Variants in TBL1XR1 observed in about 807,000 individuals in gnomAD.
The protein encoded by TBL1XR1 is TBL1X/Y related 1.
A neutral mutation model predicts 66.9 loss-of-function variants in TBL1XR1; 5 were observed. That is an observed-to-expected ratio of 0.07 (90% confidence interval 0.04 to 0.16). The LOEUF is 0.16. Among genes scored for constraint, TBL1XR1 ranks in the 10% least tolerant of loss-of-function variants. TBL1XR1 has a pLI of 1.00. For missense variants in TBL1XR1, 238 were observed against 623.2 expected (o/e 0.38, Z 6.58); for synonymous variants, 210 against 206.0 (o/e 1.02, Z -0.17).
intron 1 of TBL1XR1, among the ~76,000 whole-genome samples, chr3:177,141,039 T>C (rs1395401148): frequency 6.6e-6 from 1 of 152,166 alleles, no homozygotes; most frequent in Non-Finnish European, 1.5e-5. Context: ...AATAATAATA[T>C]ATTTAACTGG....
chr3:177,073,054 A>G (rs544104459), intron 2 of TBL1XR1, among the ~76,000 whole-genome samples: 1 of 152,322 alleles, frequency 6.6e-6, no homozygotes, highest in East Asian at 1.9e-4. Context: ...ACAAAGAGAG[A>G]GTTTGATTTC....
At chr3:177,143,252 C>T (rs933552697) in intron 1 of TBL1XR1, among the ~76,000 whole-genome samples, 2 of 151,638 alleles carry the variant, frequency 1.3e-5, no homozygotes, top group African/African-American at 4.9e-5. Flanking sequence ...ATGTTATGAC[C>T]GAGGCCTACA....
chr3:177,056,733 A>G (rs1320667403), intron 3 of TBL1XR1, among the ~76,000 whole-genome samples: 1 of 147,286 alleles, frequency 6.8e-6, no homozygotes, highest in African/African-American at 2.5e-5. Flanking sequence ...CCTGAAAGTC[A>G]TAGTCATCCT....
intron 1 of TBL1XR1, among the ~76,000 whole-genome samples, chr3:177,137,741 A>G (rs548258641): frequency 6.6e-6 from 1 of 152,190 alleles, no homozygotes; most frequent in East Asian, 1.9e-4. Flanking sequence ...AGGCTGAGAC[A>G]GGTGGACTAC....
At chr3:177,063,128 A>C (rs1042309085) in intron 3 of TBL1XR1, among the ~76,000 whole-genome samples, 2 of 152,138 alleles carry the variant, frequency 1.3e-5, no homozygotes, top group Non-Finnish European at 1.5e-5. Flanking sequence ...AAAAACAAAC[A>C]AACAAAAAAA....
intron 1 of TBL1XR1, among the ~76,000 whole-genome samples, chr3:177,120,996 T>C (rs997315812): frequency 3.3e-5 from 5 of 152,242 alleles, no homozygotes; most frequent in Non-Finnish European, 7.3e-5. Flanking sequence ...TTTAAAGCTG[T>C]GTCACTAATC....
Position 177,160,508 on chromosome 3 carries a change from G to GAAAGAAGAATC in TBL1XR1, c.-122+36602_-122+36612dup, listed in dbSNP as rs1433632162. Among the ~76,000 whole-genome samples the GAAAGAAGAATC allele has an allele frequency of 1.0e-3, 154 of 151,206 alleles. 2 individuals are homozygous for GAAAGAAGAATC. Among genetic ancestry groups the GAAAGAAGAATC allele is most frequent in the East Asian group, 5.9e-4 (3 of 5,092 alleles). ...AAAAAAAGTATCCAATTGGCAGCGAGAAAGAAGAATCAAATAATGTCCAGA... is the reference window on the plus strand; with the variant it reads ...AAAAAAAGTATCCAATTGGCAGCGAGAAAGAAGAATCAAAGAAGAATCAAATAATGTCCAGA... On this transcript the variant is annotated intron_variant, in intron 1 of 15. Transcript: ENST00000457928.
At chr3:177,075,056 C>CA (rs1720521382) in intron 2 of TBL1XR1, among the ~76,000 whole-genome samples, 1 of 152,226 alleles carries the variant, frequency 6.6e-6, no homozygotes, top group South Asian at 2.1e-4. Context: ...ATAGCTACAA[C>CA]AAACTGGGCC....
At chr3:177,049,590 T>G (rs1369216244) in intron 7 of TBL1XR1, among the ~76,000 whole-genome samples, 1 of 152,180 alleles carries the variant, frequency 6.6e-6, no homozygotes, top group African/African-American at 2.4e-5. Context: ...ACATGTTTTT[T>G]GCTACACAGA....
At chr3:177,122,303 A>C (rs1372917231) in intron 1 of TBL1XR1, among the ~76,000 whole-genome samples, 12 of 141,950 alleles carry the variant, frequency 8.5e-5, no homozygotes, top group African/African-American at 2.1e-4. Context: ...AAAAAAAAAA[A>C]CACTGTAAGC....
At chr3:177,035,953 T>C (rs373095412) in intron 12 of TBL1XR1, among the ~76,000 whole-genome samples, 4 of 152,256 alleles carry the variant, frequency 2.6e-5, no homozygotes, top group African/African-American at 7.2e-5. Context: ...GTAACTGACA[T>C]TGTGGACTTC....
chr3:177,131,863 A>G (rs1053559939), intron 1 of TBL1XR1, among the ~76,000 whole-genome samples: 1 of 151,668 alleles, frequency 6.6e-6, no homozygotes, highest in African/African-American at 2.4e-5. Context: ...TCCAATAAAG[A>G]CAAGATTCCT....
At chr3:177,061,873 A>G (rs1718558546) in intron 3 of TBL1XR1, among the ~76,000 whole-genome samples, 1 of 152,184 alleles carries the variant, frequency 6.6e-6, no homozygotes. Flanking sequence ...ACCTATTGCA[A>G]AAGTAGCCAC....
At chr3:177,191,030 A>G (rs941722670) in intron 1 of TBL1XR1, among the ~76,000 whole-genome samples, 7 of 152,198 alleles carry the variant, frequency 4.6e-5, no homozygotes, top group African/African-American at 1.7e-4. Context: ...AAACTAGGCT[A>G]TAAGAAGGAC....
chr3:177,070,607 G>A (rs940369335), intron 2 of TBL1XR1, among the ~76,000 whole-genome samples: 1 of 152,250 alleles, frequency 6.6e-6, no homozygotes, highest in African/African-American at 2.4e-5. Context: ...CTAGCACTTT[G>A]GGGGGCCGAG....
intron 14 of TBL1XR1, 33 bp from the exon 15 acceptor site, chr3:177,026,507 G>T: frequency 6.9e-7 from 1 of 1,450,396 alleles, no homozygotes; most frequent in Non-Finnish European, 9.4e-7. Context: ...CTTAAAAATC[G>T]TAATACATAT....
intron 2 of TBL1XR1, among the ~76,000 whole-genome samples, chr3:177,095,332 G>A (rs1466057390): frequency 6.6e-6 from 1 of 151,972 alleles, no homozygotes; most frequent in Non-Finnish European, 1.5e-5. Flanking sequence ...CTGGGCAACA[G>A]GGTAGATTGT....
chr3:177,118,787 G>A (rs1376522908), intron 1 of TBL1XR1, among the ~76,000 whole-genome samples: 1 of 151,576 alleles, frequency 6.6e-6, no homozygotes, highest in Non-Finnish European at 1.5e-5. Context: ...TATGGCAAGT[G>A]TCGTATTTTG....
At chr3:177,170,081 G>A (rs1289078619) in intron 1 of TBL1XR1, among the ~76,000 whole-genome samples, 1 of 152,134 alleles carries the variant, frequency 6.6e-6, no homozygotes, top group Non-Finnish European at 1.5e-5. Flanking sequence ...ACTGTTCCTA[G>A]TTAAGACTTT....
Sources: gnomAD v4.1 joint callset for allele counts (sites outside exome capture counted in the v4.1 genomes callset) on GRCh38, gnomAD v4.1.1 for gene constraint, MANE v1.5 for transcripts, NCBI Gene and HGNC (gene_info 2026-07-23, HGNC 2026-07-21) for gene names.